DYM: variants seen among roughly 807,000 people sequenced by gnomAD.
The protein encoded by DYM is dyggve-Melchior-Clausen syndrome protein.
DYM carries 78 observed loss-of-function variants against 93.1 expected under a neutral mutation model. That is an observed-to-expected ratio of 0.84 (90% CI 0.70 to 1.01). The LOEUF (loss-of-function observed/expected upper bound fraction) is 1.01. DYM is among the 50% of genes least tolerant of loss of function. The pLI is 0.00. For synonymous variants in DYM, 321 were observed against 319.7 expected (o/e 1.00, Z -0.04); for missense variants, 789 against 845.0 (o/e 0.93, Z 0.82).
chr18:49,100,413 T>G (rs1052229392), intron 16 of DYM, among the ~76,000 whole-genome samples: 3 of 151,746 alleles, frequency 2.0e-5, no homozygotes, highest in Admixed American at 6.6e-5. Flanking sequence ...AACAAAGTAA[T>G]GCAATGACAG....
chr18:49,377,883 C>G (rs2067662277), intron 5 of DYM, among the ~76,000 whole-genome samples: 1 of 152,182 alleles, frequency 6.6e-6, no homozygotes, highest in South Asian at 2.1e-4. Flanking sequence ...TACCTGTTCC[C>G]ACAAGAGATG....
At chr18:49,397,770 A>T (rs2070292006) in intron 2 of DYM, among the ~76,000 whole-genome samples, 1 of 152,248 alleles carries the variant, frequency 6.6e-6, no homozygotes, top group Non-Finnish European at 1.5e-5. Context: ...AAAGCATAAA[A>T]TACACACCAT....
chr18:49,223,293 G>A lies in DYM; in HGVS notation c.1461-13578C>T, dbSNP rs562596839. ...CAACTTTTTTCTTAAACTTAGGTCG[G>A]GTAGCAAATAGTTGCAGTCTGTGTT... On this transcript the variant is annotated intron_variant, in intron 13 of 17. Coordinates refer to ENST00000675505, the MANE Select transcript of DYM (RefSeq NM_001353214.3). Among the ~76,000 whole-genome samples, 12 of 152,190 alleles carry A rather than the reference G, an allele frequency of 7.9e-5. No individual in the cohort carries two copies. The South Asian group carries it at 8.3e-4, about 11-fold the overall frequency.
intron 8 of DYM, among the ~76,000 whole-genome samples, chr18:49,287,019 C>T (rs1263560061): frequency 6.6e-6 from 1 of 152,030 alleles, no homozygotes; most frequent in Non-Finnish European, 1.5e-5. Flanking sequence ...GGTGAAACCC[C>T]ATCTCTACTA....
chr18:49,320,107 G>A (rs980479161), intron 8 of DYM, among the ~76,000 whole-genome samples: 8 of 152,148 alleles, frequency 5.3e-5, no homozygotes, highest in Admixed American at 1.3e-4. Context: ...GCTTATTAGC[G>A]TGCAGTCAGG....
intron 6 of DYM, among the ~76,000 whole-genome samples, chr18:49,352,989 C>T (rs868694671): frequency 4.6e-5 from 7 of 152,030 alleles, no homozygotes; most frequent in Non-Finnish European, 7.4e-5. Context: ...GTCATCCTGA[C>T]AGATTTTTGG....
chr18:49,143,739 A>T (rs567422370), intron 15 of DYM, among the ~76,000 whole-genome samples: 1 of 152,156 alleles, frequency 6.6e-6, no homozygotes, highest in East Asian at 1.9e-4. Flanking sequence ...ACGCTGTATA[A>T]CCTCTGTAAC....
chr18:49,125,192 G>A (rs961306110), intron 15 of DYM, among the ~76,000 whole-genome samples: 3 of 152,086 alleles, frequency 2.0e-5, no homozygotes, highest in Non-Finnish European at 4.4e-5. Context: ...CCCAGCAGGC[G>A]GAGGTTGCAG....
intron 5 of DYM, among the ~76,000 whole-genome samples, chr18:49,370,257 A>C (rs1253788740): frequency 1.3e-5 from 2 of 150,234 alleles, no homozygotes; most frequent in African/African-American, 4.9e-5. Context: ...CAGCCTCGGA[A>C]ACAAGAGCGA....
chr18:49,248,365 A>C (rs1161678038), intron 13 of DYM, among the ~76,000 whole-genome samples: 1 of 152,206 alleles, frequency 6.6e-6, no homozygotes, highest in Non-Finnish European at 1.5e-5. Context: ...TAGATTCAAA[A>C]TATCTCAAAA....
intron 4 of DYM, among the ~76,000 whole-genome samples, chr18:49,378,992 A>C (rs979759925): frequency 3.3e-5 from 5 of 152,188 alleles, no homozygotes; most frequent in African/African-American, 1.2e-4. Flanking sequence ...TACCACGTAC[A>C]TGCGATTAAA....
chr18:49,381,362 C>A (rs1410068480), intron 3 of DYM, among the ~76,000 whole-genome samples: 2 of 152,144 alleles, frequency 1.3e-5, no homozygotes, highest in Non-Finnish European at 2.9e-5. Context: ...TGCTTACTAA[C>A]TGCCAAGCTC....
chr18:49,137,305 C>T (rs2083954289), intron 15 of DYM, among the ~76,000 whole-genome samples: 1 of 152,190 alleles, frequency 6.6e-6, no homozygotes, highest in African/African-American at 2.4e-5. Context: ...CAGTCCTGTC[C>T]TGGTGACATG....
chr18:49,138,278 T>C (rs1042784220), intron 15 of DYM, among the ~76,000 whole-genome samples: 12 of 152,100 alleles, frequency 7.9e-5, no homozygotes, highest in Non-Finnish European at 1.2e-4. Context: ...TTTGAGTAAA[T>C]TGGATGAGGA....
At chr18:49,102,860 G>C (rs1179503277) in intron 16 of DYM, among the ~76,000 whole-genome samples, 1 of 152,142 alleles carries the variant, frequency 6.6e-6, no homozygotes, top group Admixed American at 6.5e-5. Flanking sequence ...ATTGTGAATA[G>C]TGCTGCAATA....
At chr18:49,067,538 T>C (rs2076566778) in intron 17 of DYM, among the ~76,000 whole-genome samples, 1 of 151,846 alleles carries the variant, frequency 6.6e-6, no homozygotes, top group Non-Finnish European at 1.5e-5. Flanking sequence ...TGTGTGAAAA[T>C]CTTGGGGAGA....
chr18:49,308,288 G>GTATATATA (rs1340030482), intron 8 of DYM, among the ~76,000 whole-genome samples: 205 of 105,906 alleles, frequency 1.9e-3, no homozygotes, highest in African/African-American at 6.1e-3. Context: ...ACACTTGTGT[G>GTATATATA]TGTATATATA....
intron 14 of DYM, among the ~76,000 whole-genome samples, chr18:49,206,143 C>T (rs1241991404): frequency 4.6e-5 from 7 of 151,676 alleles, no homozygotes; most frequent in South Asian, 2.1e-4. Flanking sequence ...GGACTACAAG[C>T]GTGTGCCACC....
intron 2 of DYM, among the ~76,000 whole-genome samples, chr18:49,419,530 A>C (rs1230677557): frequency 6.6e-6 from 1 of 152,120 alleles, no homozygotes; most frequent in East Asian, 1.9e-4. Context: ...CTTTTTCCCC[A>C]CTGAAATGCC....
Sources: allele counts gnomAD v4.1 joint callset (sites outside exome capture counted in the v4.1 genomes callset), GRCh38; gene constraint gnomAD v4.1.1; transcripts MANE v1.5; gene names NCBI Gene and HGNC (gene_info 2026-07-23, HGNC 2026-07-21).